The following KIF26B variants were observed in gnomAD, a reference collection of about 807,000 sequenced individuals.
The protein encoded by KIF26B is kinesin family member 26B, also known as kinesin-like protein KIF26B.
In KIF26B, 63 loss-of-function variants were observed where a neutral mutation model predicts 151.2. The observed-to-expected ratio is 0.42, with a 90% confidence interval of 0.34 to 0.51. KIF26B has a LOEUF of 0.51. KIF26B is among the 20% of genes least tolerant of loss of function. The probability of loss-of-function intolerance (pLI) is 0.07; values close to 1 mark genes in which losing one functional copy is unlikely to be tolerated. For synonymous variants in KIF26B, 1,357 were observed against 1,262.1 expected, an observed-to-expected ratio of 1.08 and a Z score of -1.59; for missense variants, 2,813 against 2,913.6, an observed-to-expected ratio of 0.97 and a Z score of 0.79.
In KIF26B at chr1:245,602,442, G is replaced by A; in HGVS notation, c.1351-135G>A. ...CCAAGGATGATGTTGCTAATTCACTGTGCATTTCATCATAATTTATCCTGA... is the reference window on the plus strand; with the variant it reads ...CCAAGGATGATGTTGCTAATTCACTATGCATTTCATCATAATTTATCCTGA... On this transcript the variant is annotated intron_variant, in intron 5 of 14. Coordinates refer to ENST00000407071, the MANE Select transcript of KIF26B (RefSeq NM_018012.4). This position sits in a 1 kb window ranked among gnomAD's most constrained non-coding sequence, Gnocchi z 4.5. The A allele has an allele frequency of 1.5e-6, 1 of 673,300 alleles. No homozygotes were observed. Among genetic ancestry groups the A allele is most frequent in the Non-Finnish European group, 2.6e-6 (1 of 386,256 alleles). The allele number at this position is 673,300 out of a possible 1,614,324, so 41.7% of individuals were successfully genotyped here. A position where few individuals can be genotyped will look rare whatever the true frequency, so the allele number is the denominator to read the frequency against.
intron 12 of KIF26B, among the ~76,000 whole-genome samples, chr1:245,694,016 C>T (rs888055746): frequency 1.3e-5 from 2 of 152,136 alleles, no homozygotes; most frequent in African/African-American, 4.8e-5. Context: ...TAGAATAGAA[C>T]CCCAAAGAGA....
chr1:245,172,227 G>A (rs757721606), intron 2 of KIF26B, among the ~76,000 whole-genome samples: 2 of 152,106 alleles, frequency 1.3e-5, no homozygotes, highest in African/African-American at 4.8e-5. Flanking sequence ...GGGGGGGGTG[G>A]GTACAGAAGC....
intron 2 of KIF26B, among the ~76,000 whole-genome samples, chr1:245,213,714 C>A (rs1405418286): frequency 6.6e-6 from 1 of 152,178 alleles, no homozygotes; most frequent in Non-Finnish European, 1.5e-5. Flanking sequence ...TGGATGCACA[C>A]GTGACCGTGT....
rs1280902896 is a variant in KIF26B, at chr1:245,687,735, C to T, written c.4752C>T (p.Pro1584=). The T allele has an allele frequency of 3.2e-6, 5 of 1,578,098 alleles. 1 individual carries two copies. In the South Asian group the frequency reaches 4.7e-5, roughly 15 times the overall value. Reference sequence around the variant, plus strand: ...CCCTGGAGGGGAAGGTGGCTTCCCCCAAGCACTGTGTTCTGGCTCGGCCCA... The same window carrying T: ...CCCTGGAGGGGAAGGTGGCTTCCCCTAAGCACTGTGTTCTGGCTCGGCCCA... ...KATLEGKVAS[P]KHCVLARPKG... is the part of the protein sequence containing the mutation. Residue 1584 remains proline (P), a synonymous_variant, in exon 12 of 15, where the codon CCC becomes CCT. Transcript: ENST00000407071. The surrounding 1 kb of genome is among the most constrained non-coding windows in gnomAD (Gnocchi z 4.9).
At chr1:245,225,814 TA>T (rs1433445853) in intron 2 of KIF26B, among the ~76,000 whole-genome samples, 2 of 152,168 alleles carry the variant, frequency 1.3e-5, no homozygotes, top group African/African-American at 4.8e-5. Flanking sequence ...AAAAGGCCCA[TA>T]AAAACAATAG....
chr1:245,686,008 C>CCCG lies in KIF26B; in HGVS notation c.3030_3032dup (p.Ala1012dup), dbSNP rs756011210. ...GATGCAGAGGAGTCACTCACCTGTG[C>CCCG]CCGCCGCGGCACCCGCCCACAGCCC... On this transcript the variant is annotated inframe_insertion, in exon 12 of 15. Coordinates refer to ENST00000407071, the MANE Select transcript of KIF26B (RefSeq NM_018012.4). This position sits in a 1 kb window ranked among gnomAD's most constrained non-coding sequence, Gnocchi z 5.6. The CCCG allele has an allele frequency of 6.3e-7, 1 of 1,590,628 alleles. No individual in the cohort carries two copies. The highest frequency in any genetic ancestry group is 1.8e-5 in the Admixed American group (1 of 56,060).
intron 2 of KIF26B, among the ~76,000 whole-genome samples, chr1:245,217,704 A>G (rs939691339): frequency 6.6e-6 from 1 of 152,078 alleles, no homozygotes; most frequent in Non-Finnish European, 1.5e-5. Flanking sequence ...CACACATATT[A>G]TTCCTGATTT....
chr1:245,168,308 C>A (rs530235667), intron 2 of KIF26B, among the ~76,000 whole-genome samples: 34 of 152,194 alleles, frequency 2.2e-4, no homozygotes, highest in African/African-American at 7.7e-4. Context: ...GGGGAGGGAC[C>A]GGAAGCCAAG....
In KIF26B at chr1:245,702,986, A is replaced by T. The variant is rs921696987; in HGVS notation, c.*380A>T. 5.0e-6 allele frequency: 1 copy of T among 198,954 alleles called. No homozygotes were observed. Among genetic ancestry groups the T allele is most frequent in the Non-Finnish European group, 1.0e-5 (1 of 99,178 alleles). The allele number at this position is 198,954 out of a possible 1,614,324, so 12.3% of individuals were successfully genotyped here. A position where few individuals can be genotyped will look rare whatever the true frequency, so the allele number is the denominator to read the frequency against. On this transcript the variant is annotated 3_prime_UTR_variant, in exon 15 of 15. Coordinates refer to ENST00000407071, the MANE Select transcript of KIF26B (RefSeq NM_018012.4). The surrounding 1 kb of genome is among the most constrained non-coding windows in gnomAD (Gnocchi z 4.1). ...TAGGATTGCTGTGGAAAGCGAACACAAAACAACCCAGAATGACTGATTAAG... is the reference window on the plus strand; with the variant it reads ...TAGGATTGCTGTGGAAAGCGAACACTAAACAACCCAGAATGACTGATTAAG...
At chr1:245,684,586 T>A (rs1558269022) in intron 11 of KIF26B, among the ~76,000 whole-genome samples, 191 bp downstream of exon 11, 1 of 152,214 alleles carries the variant, frequency 6.6e-6, no homozygotes, top group Non-Finnish European at 1.5e-5. Context: ...CAAAGTCATG[T>A]CACCTCCCCA....
At chr1:245,591,503 A>G (rs1320965767) in intron 5 of KIF26B, among the ~76,000 whole-genome samples, 1 of 152,196 alleles carries the variant, frequency 6.6e-6, no homozygotes, top group Non-Finnish European at 1.5e-5. Flanking sequence ...CATACTGATC[A>G]ACGTACAGCC....
chr1:245,428,236 G>A (rs1453976497), intron 4 of KIF26B, among the ~76,000 whole-genome samples: 1 of 152,136 alleles, frequency 6.6e-6, no homozygotes, highest in Non-Finnish European at 1.5e-5. Flanking sequence ...TGGAAAAGAA[G>A]GGACTCTCAC....
chr1:245,487,699 G>A (rs1414229829), intron 4 of KIF26B, among the ~76,000 whole-genome samples: 1 of 151,740 alleles, frequency 6.6e-6, no homozygotes, highest in Non-Finnish European at 1.5e-5. Flanking sequence ...CTCGGCTCAG[G>A]TGATTCTCCT....
intron 10 of KIF26B, among the ~76,000 whole-genome samples, chr1:245,678,666 A>AG (rs1285130841): frequency 1.3e-5 from 2 of 152,040 alleles, no homozygotes; most frequent in African/African-American, 2.4e-5. Flanking sequence ...GATTGAGACC[A>AG]TCGTGGCCAA....
At chr1:245,361,559 A>G (rs1424052803) in intron 2 of KIF26B, among the ~76,000 whole-genome samples, 1 of 152,196 alleles carries the variant, frequency 6.6e-6, no homozygotes, top group Non-Finnish European at 1.5e-5. Flanking sequence ...GGGAATCACA[A>G]TGACAAACCT....
At chr1:245,657,290 T>C (rs1352365135) in intron 10 of KIF26B, among the ~76,000 whole-genome samples, 3 of 152,182 alleles carry the variant, frequency 2.0e-5, no homozygotes, top group Non-Finnish European at 2.9e-5. Flanking sequence ...TCAAGGGTTG[T>C]TTCTCCCACG....
chr1:245,372,400 G>C (rs906842351), intron 3 of KIF26B, among the ~76,000 whole-genome samples: 3 of 152,084 alleles, frequency 2.0e-5, no homozygotes, highest in African/African-American at 7.2e-5. Flanking sequence ...GGGGGTACAC[G>C]TGCAGGTTTG....
chr1:245,614,724 G>C (rs1309804308), intron 9 of KIF26B: 1 of 152,286 alleles, frequency 6.6e-6, no homozygotes, highest in Non-Finnish European at 1.5e-5. Flanking sequence ...AGCCCATGAT[G>C]GTGAGCAAAG....
rs563988496 is a variant in KIF26B, at chr1:245,450,606, T to G, written c.1166+30861T>G. Among the ~76,000 whole-genome samples the G allele has an allele frequency of 1.7e-4, 26 of 152,368 alleles. 1 individual carries two copies. The highest frequency in any genetic ancestry group is 5.8e-4 in the African/African-American group (24 of 41,586). ...GGTGCCTTTGGTAAATAATTCCATTTCATTGTGACTTCATCTTCTCATTGG... is the reference window on the plus strand; with the variant it reads ...GGTGCCTTTGGTAAATAATTCCATTGCATTGTGACTTCATCTTCTCATTGG... On this transcript the variant is annotated intron_variant, in intron 4 of 14. Coordinates refer to ENST00000407071, the MANE Select transcript of KIF26B (RefSeq NM_018012.4).
Sources: allele counts gnomAD v4.1 joint callset (sites outside exome capture counted in the v4.1 genomes callset), GRCh38; gene constraint gnomAD v4.1.1; non-coding constraint Gnocchi (gnomAD v3.1); transcripts MANE v1.5; gene names NCBI Gene and HGNC (gene_info 2026-07-23, HGNC 2026-07-21).